Variants in TANK observed in about 807,000 individuals in gnomAD.
The protein encoded by TANK is TRAF family member-associated NF-kappa-B activator.
A neutral mutation model predicts 43.6 loss-of-function variants in TANK; 15 were observed. That is an observed-to-expected ratio of 0.34 (90% CI 0.23 to 0.53). TANK has a LOEUF of 0.53. TANK is among the 20% of genes least tolerant of loss of function. The probability of loss-of-function intolerance (pLI) is 0.94; values close to 1 mark genes in which losing one functional copy is unlikely to be tolerated. For missense variants in TANK, 417 were observed against 498.6 expected (o/e 0.84, Z 1.56); for synonymous variants, 162 against 178.2 (o/e 0.91, Z 0.73).
intron 7 of TANK, among the ~76,000 whole-genome samples, chr2:161,233,281 C>T (rs979610060): frequency 2.0e-5 from 3 of 152,102 alleles, no homozygotes; most frequent in African/African-American, 7.2e-5. Flanking sequence ...CTGTGGCCTC[C>T]AGCTACTTGG....
At chr2:161,205,279 A>C (rs1686597210) in intron 4 of TANK, among the ~76,000 whole-genome samples, 1 of 152,158 alleles carries the variant, frequency 6.6e-6, no homozygotes, top group Admixed American at 6.5e-5. Context: ...TGATCATGAC[A>C]CTGCATTCCA....
chr2:161,168,964 G>A (rs554944450), intron 1 of TANK, among the ~76,000 whole-genome samples: 7 of 152,196 alleles, frequency 4.6e-5, no homozygotes, highest in African/African-American at 9.7e-5. Flanking sequence ...CAAAGGATCC[G>A]TTAAGTCAGA....
At chr2:161,166,871 G>A (rs961389315) in intron 1 of TANK, among the ~76,000 whole-genome samples, 1 of 152,170 alleles carries the variant, frequency 6.6e-6, no homozygotes, top group Non-Finnish European at 1.5e-5. Context: ...ATGTACTACA[G>A]TGGCAACTTT....
At chr2:161,141,509 TG>T (rs1346193521) in intron 1 of TANK, among the ~76,000 whole-genome samples, 1 of 152,094 alleles carries the variant, frequency 6.6e-6, no homozygotes, top group Non-Finnish European at 1.5e-5. Flanking sequence ...CTGGCCCCAA[TG>T]TATGTTGTTC....
At chr2:161,211,768 C>T in intron 4 of TANK, 1 of 985,218 alleles carries the variant, frequency 1.0e-6, no homozygotes, top group Non-Finnish European at 1.2e-6. Context: ...TACAATGGCA[C>T]AGGCCAATGT....
At chr2:161,199,748 A>C (rs528850877) in intron 2 of TANK, among the ~76,000 whole-genome samples, 1 of 152,286 alleles carries the variant, frequency 6.6e-6, no homozygotes, top group Non-Finnish European at 1.5e-5. Flanking sequence ...AAAGAATACA[A>C]AGTTAACCTT....
chr2:161,208,242 G>A lies in TANK; in HGVS notation c.327+3449G>A, dbSNP rs1026184753. 4 of 984,218 alleles carry A rather than the reference G, an allele frequency of 4.1e-6. No homozygotes were observed. In the African/African-American group the frequency reaches 7.0e-5, roughly 17 times the overall value. The allele number at this position is 984,218 out of a possible 1,614,324, so 61.0% of individuals were successfully genotyped here. A position where few individuals can be genotyped will look rare whatever the true frequency, so the allele number is the denominator to read the frequency against. Reference sequence around the variant, plus strand: ...AGAGGCAAGAGGGATATTTGAAGGGGAAAGAGGCCCTTTTAGAAAATTTTA... The same window carrying A: ...AGAGGCAAGAGGGATATTTGAAGGGAAAAGAGGCCCTTTTAGAAAATTTTA... On this transcript the variant is annotated intron_variant, in intron 4 of 7. Transcript: ENST00000392749.
At chr2:161,215,528 T>C (rs1349247744) in intron 4 of TANK, among the ~76,000 whole-genome samples, 1 of 152,190 alleles carries the variant, frequency 6.6e-6, no homozygotes, top group Non-Finnish European at 1.5e-5. Flanking sequence ...TCTAGTATGT[T>C]CCATAAAACC....
At chr2:161,174,975 G>A (rs1685113216) in intron 1 of TANK, among the ~76,000 whole-genome samples, 1 of 152,232 alleles carries the variant, frequency 6.6e-6, no homozygotes, top group Non-Finnish European at 1.5e-5. Context: ...TAAAAGGAAT[G>A]GGTAAGATCA....
chr2:161,161,113 C>G, intron 1 of TANK: 2 of 1,197,140 alleles, frequency 1.7e-6, no homozygotes, highest in South Asian at 3.3e-5. Flanking sequence ...AGGTAGAGTC[C>G]TCACGCCGGT....
intron 2 of TANK, among the ~76,000 whole-genome samples, chr2:161,195,205 G>A (rs1419928109): frequency 2.6e-5 from 4 of 152,126 alleles, no homozygotes; most frequent in Non-Finnish European, 5.9e-5. Context: ...CTATGTATCC[G>A]GAACTGCACT....
At chr2:161,148,547 T>G (rs1402557022) in intron 1 of TANK, among the ~76,000 whole-genome samples, 1 of 152,220 alleles carries the variant, frequency 6.6e-6, no homozygotes, top group Non-Finnish European at 1.5e-5. Context: ...TTGGTTTGTT[T>G]TCTTGTTTGT....
rs538962564 is a variant in TANK at position 161,149,422 on chromosome 2, A to G, written c.-50+12359A>G. On this transcript the variant is annotated intron_variant, in intron 1 of 7. Coordinates refer to the TANK transcript ENST00000259075. ...GAGTTTTCATATATAGGATAATATC[A>G]TCTAAGGATAGAAATAGTTTTACCT... 6.6e-5 allele frequency among the ~76,000 whole-genome samples: 10 copies of G among 152,310 alleles called. No homozygotes were observed. In the South Asian group the frequency reaches 2.1e-3, roughly 32 times the overall value.
chr2:161,160,535 ACGT>A, intron 1 of TANK, 49 bp downstream of exon 1: 2 of 1,273,102 alleles, frequency 1.6e-6, no homozygotes, highest in Non-Finnish European at 2.0e-6. Flanking sequence ...GTCAAGCACG[ACGT>A]CGGAGAATTT....
chr2:161,160,695 G>T (rs1442768168), intron 1 of TANK: 14 of 492,256 alleles, frequency 2.8e-5, no homozygotes, highest in Non-Finnish European at 4.9e-5. Flanking sequence ...CGGACTCCTT[G>T]TGGGTTGGTT....
intron 2 of TANK, among the ~76,000 whole-genome samples, chr2:161,183,739 T>C (rs914347602): frequency 2.0e-5 from 3 of 152,152 alleles, no homozygotes; most frequent in Non-Finnish European, 2.9e-5. Context: ...CAAAATATTC[T>C]GGTAGATTTA....
chr2:161,217,410 G>T (rs1177731841), intron 4 of TANK, among the ~76,000 whole-genome samples: 1 of 152,166 alleles, frequency 6.6e-6, no homozygotes, highest in African/African-American at 2.4e-5. Flanking sequence ...CAGAATGTTA[G>T]TGGGCTTTGT....
At chr2:161,164,517 G>A (rs1684588494) in intron 1 of TANK, among the ~76,000 whole-genome samples, 1 of 152,136 alleles carries the variant, frequency 6.6e-6, no homozygotes. Flanking sequence ...ATTATCTTCA[G>A]GAAGGGATAA....
intron 1 of TANK, chr2:161,139,854 TG>T: frequency 2.0e-6 from 2 of 985,454 alleles, no homozygotes; most frequent in Non-Finnish European, 2.4e-6. Flanking sequence ...CTTCCTATTA[TG>T]ACAGTGCTAG....
Sources: gnomAD v4.1 joint callset for allele counts (sites outside exome capture counted in the v4.1 genomes callset) on GRCh38, gnomAD v4.1.1 for gene constraint, MANE v1.5 for transcripts, NCBI Gene and HGNC (gene_info 2026-07-23, HGNC 2026-07-21) for gene names.